Variants in AP3B1 observed in about 807,000 individuals in gnomAD.
The protein encoded by AP3B1 is AP-3 complex subunit beta-1.
AP3B1 carries 61 observed loss-of-function variants against 132.5 expected under a neutral mutation model. That is an observed-to-expected ratio of 0.46 (90% CI 0.37 to 0.57). The LOEUF (loss-of-function observed/expected upper bound fraction) is 0.57, where lower values mean the gene tolerates loss of function less well. AP3B1 is among the 20% of genes least tolerant of loss of function. The pLI is 0.00. For missense variants in AP3B1, 1,120 were observed against 1,289.4 expected, an observed-to-expected ratio of 0.87 and a Z score of 2.01; for synonymous variants, 388 against 438.3, an observed-to-expected ratio of 0.89 and a Z score of 1.43.
At chr5:78,081,926 C>A (rs1750028179) in intron 22 of AP3B1, among the ~76,000 whole-genome samples, 1 of 151,946 alleles carries the variant, frequency 6.6e-6, no homozygotes, top group African/African-American at 2.4e-5. Flanking sequence ...AGTTATAATC[C>A]CATCACAAGC....
chr5:78,260,713 TA>T (rs1402212361), intron 2 of AP3B1, among the ~76,000 whole-genome samples: 5 of 152,206 alleles, frequency 3.3e-5, no homozygotes, highest in African/African-American at 1.2e-4. Flanking sequence ...ATAGGGTTCA[TA>T]ATATTTAAAA....
intron 20 of AP3B1, among the ~76,000 whole-genome samples, chr5:78,103,216 A>C (rs1751200167): frequency 6.6e-6 from 1 of 152,212 alleles, no homozygotes; most frequent in African/African-American, 2.4e-5. Context: ...TAAAATTCTG[A>C]ATTCTAAACG....
At chr5:78,172,772 G>A (rs1172908637) in intron 11 of AP3B1, among the ~76,000 whole-genome samples, 6 of 149,888 alleles carry the variant, frequency 4.0e-5, no homozygotes, top group Non-Finnish European at 7.5e-5. Flanking sequence ...AGGGTATTTC[G>A]TTATCTTAAT....
chr5:78,039,691 T>C (rs1747971858), intron 22 of AP3B1, among the ~76,000 whole-genome samples: 1 of 146,056 alleles, frequency 6.8e-6, no homozygotes, highest in African/African-American at 2.6e-5. Context: ...GGCAGGAGAA[T>C]GGCGTGAACC....
chr5:78,101,171 C>T, intron 20 of AP3B1, 146 bp from the exon 21 acceptor site: 1 of 589,138 alleles, frequency 1.7e-6, no homozygotes, highest in Non-Finnish European at 3.0e-6. Context: ...AAAATGTTTT[C>T]CTGAATCAAC....
intron 2 of AP3B1, among the ~76,000 whole-genome samples, chr5:78,249,020 G>A (rs777142151): frequency 2.6e-5 from 4 of 151,944 alleles, no homozygotes; most frequent in Admixed American, 1.3e-4. Flanking sequence ...TTTTCTTTTA[G>A]TTTATCCTAA....
At chr5:78,238,510 A>T (rs1746978278) in intron 3 of AP3B1, among the ~76,000 whole-genome samples, 1 of 152,140 alleles carries the variant, frequency 6.6e-6, no homozygotes, top group South Asian at 2.1e-4. Flanking sequence ...AACGTTGGGG[A>T]CTACTGATAT....
At chr5:78,063,213 TAAC>T (rs1749134998) in intron 22 of AP3B1, among the ~76,000 whole-genome samples, 2 of 152,178 alleles carry the variant, frequency 1.3e-5, no homozygotes. Context: ...CTTGTCAGCT[TAAC>T]AACAAAATAA....
Position 78,003,002 on chromosome 5 carries a change from A to T in AP3B1, c.3185T>A (p.Leu1062Gln), listed in dbSNP as rs1350945794. 2 of 1,614,228 alleles carry T rather than the reference A, an allele frequency of 1.2e-6. No homozygotes were observed. The highest frequency in any genetic ancestry group is 1.7e-6 in the Non-Finnish European group (2 of 1,180,026). ...AAGCTGGGCTGTAGAGCCTTCCTTCAGTTCCACTGTGACTAGCATCAATGA... is the reference window on the plus strand; with the variant it reads ...AAGCTGGGCTGTAGAGCCTTCCTTCTGTTCCACTGTGACTAGCATCAATGA... ...SGSLMLVTVE[L>Q]KEGSTAQLII... Residue 1062 changes from leucine to glutamine, a missense_variant, in exon 27 of 27, where the codon CTG (leucine) becomes CAG (glutamine). Physicochemically the swap from Leu to Gln is moderately radical, Grantham distance 113. This residue lies in a region of AP3B1 where 906 missense variants were observed against 997.1 expected (regional missense o/e 0.91). Coordinates refer to ENST00000255194, the MANE Select transcript of AP3B1 (RefSeq NM_003664.5).
At chr5:78,280,858 T>G (rs1286815088) in intron 1 of AP3B1, among the ~76,000 whole-genome samples, 1 of 152,222 alleles carries the variant, frequency 6.6e-6, no homozygotes, top group African/African-American at 2.4e-5. Flanking sequence ...CACAGGGCAG[T>G]ATTGCAGATG....
At chr5:78,168,219 C>CTTT (rs535444476) in intron 11 of AP3B1, among the ~76,000 whole-genome samples, 1 of 142,720 alleles carries the variant, frequency 7.0e-6, no homozygotes, top group African/African-American at 2.7e-5. Context: ...CAACTTTTTT[C>CTTT]TTTTTTCTTT....
intron 21 of AP3B1, among the ~76,000 whole-genome samples, chr5:78,092,136 C>T (rs577908857): frequency 2.0e-5 from 3 of 152,256 alleles, no homozygotes; most frequent in East Asian, 3.9e-4. Context: ...TCTACCCACC[C>T]GTCCACCATC....
At chr5:78,128,891 T>G (rs1392774026) in intron 16 of AP3B1, among the ~76,000 whole-genome samples, 1 of 152,042 alleles carries the variant, frequency 6.6e-6, no homozygotes, top group Non-Finnish European at 1.5e-5. Flanking sequence ...TAGAATAAAG[T>G]CAGAACGCTT....
intron 20 of AP3B1, among the ~76,000 whole-genome samples, chr5:78,101,619 G>T (rs1440792979): frequency 6.6e-6 from 1 of 151,884 alleles, no homozygotes. Context: ...CTACTGTTTT[G>T]TTGAGAAAAT....
chr5:78,241,831 C>T (rs1372275116), intron 2 of AP3B1, among the ~76,000 whole-genome samples: 2 of 152,176 alleles, frequency 1.3e-5, no homozygotes, highest in Admixed American at 6.5e-5. Flanking sequence ...GACAAAATGG[C>T]ATTCATGATA....
At chr5:78,121,801 T>C (rs1752213749) in intron 17 of AP3B1, 1 of 152,204 alleles carries the variant, frequency 6.6e-6, no homozygotes, top group African/African-American at 2.4e-5. Context: ...TCTGAAACTA[T>C]TCCAATCAAT....
At chr5:78,189,616 T>A (rs1009594854) in intron 7 of AP3B1, among the ~76,000 whole-genome samples, 1 of 152,080 alleles carries the variant, frequency 6.6e-6, no homozygotes, top group Non-Finnish European at 1.5e-5. Context: ...ACACCTATAA[T>A]CCCAGCACTC....
chr5:78,171,621 AC>A (rs1330082609), intron 11 of AP3B1, among the ~76,000 whole-genome samples: 1 of 152,102 alleles, frequency 6.6e-6, no homozygotes, highest in East Asian at 1.9e-4. Context: ...TTGTTTATCA[AC>A]TTAAGGAGAT....
At chr5:78,059,534 T>C (rs888402765) in intron 22 of AP3B1, among the ~76,000 whole-genome samples, 1 of 148,704 alleles carries the variant, frequency 6.7e-6, no homozygotes, top group African/African-American at 2.5e-5. Flanking sequence ...ATGGCTGATC[T>C]GTGATCTGAG....
Sources: gnomAD v4.1 joint callset for allele counts (sites outside exome capture counted in the v4.1 genomes callset) on GRCh38, gnomAD v4.1.1 for gene constraint, gnomAD v4.1.1 regional missense constraint, MANE v1.5 for transcripts, NCBI Gene and HGNC (gene_info 2026-07-23, HGNC 2026-07-21) for gene names.